NCR1: variants seen among roughly 807,000 people sequenced by gnomAD.
The protein encoded by NCR1 is NK cell-activating receptor.
A neutral mutation model predicts 32.5 loss-of-function variants in NCR1; 30 were observed. The observed-to-expected ratio is 0.92, with a 90% confidence interval of 0.69 to 1.25. NCR1 has a LOEUF of 1.25. Among genes scored for constraint, NCR1 ranks in the 50% most tolerant of loss-of-function variants. The probability of loss-of-function intolerance (pLI) is 0.00; values close to 1 mark genes in which losing one functional copy is unlikely to be tolerated. For missense variants in NCR1, 369 were observed against 380.7 expected, an observed-to-expected ratio of 0.97 and a Z score of 0.26; for synonymous variants, 169 against 143.4, an observed-to-expected ratio of 1.18 and a Z score of -1.28.
chr19:54,927,312 T>G, the NCR1 span, among the ~76,000 whole-genome samples: 1 of 122,548 alleles, frequency 8.2e-6, no homozygotes, highest in African/African-American at 3.2e-5. Context: ...ACCCAGGAGG[T>G]GGGGGTTGCA....
the NCR1 span, among the ~76,000 whole-genome samples, chr19:54,925,698 C>T: frequency 2.6e-5 from 4 of 152,138 alleles, no homozygotes; most frequent in East Asian, 3.9e-4. Flanking sequence ...AGGTAGATTA[C>T]GTTAAAATAA....
intron 1 of NCR1, 34 bp downstream of exon 1, chr19:54,906,255 G>A (rs776864920): frequency 6.2e-6 from 10 of 1,614,024 alleles, no homozygotes; most frequent in Middle Eastern, 1.6e-4. Flanking sequence ...ATGGGATCAC[G>A]GTGTGCCTGG....
At chr19:54,909,992 T>A in intron 4 of NCR1, 26 bp from the exon 5 acceptor site, 1 of 1,598,476 alleles carries the variant, frequency 6.3e-7, no homozygotes, top group Non-Finnish European at 8.5e-7. Context: ...AAACCCTTAC[T>A]TTTTTTTCTT....
the NCR1 span, among the ~76,000 whole-genome samples, chr19:54,900,606 C>T: frequency 6.6e-6 from 1 of 152,126 alleles, no homozygotes; most frequent in Non-Finnish European, 1.5e-5. Flanking sequence ...CAGTCTGGAT[C>T]ACCTGACCTG....
chr19:54,914,501 G>A (rs945365062), downstream of NCR1, among the ~76,000 whole-genome samples: 7 of 151,938 alleles, frequency 4.6e-5, no homozygotes, highest in Admixed American at 2.0e-4. Context: ...ACCACGCCCG[G>A]CTAATTTTTG....
upstream of NCR1, among the ~76,000 whole-genome samples, chr19:54,903,664 TATAC>T (rs1246950084): frequency 7.2e-6 from 1 of 138,232 alleles, no homozygotes; most frequent in Admixed American, 7.9e-5. Flanking sequence ...TGTATATATG[TATAC>T]ATATATGTAT....
chr19:54,902,479 T>C (rs587767437), upstream of NCR1, among the ~76,000 whole-genome samples: 8 of 151,870 alleles, frequency 5.3e-5, no homozygotes, highest in East Asian at 1.6e-3. Context: ...TTTTGCATTT[T>C]TTTTTCCCCC....
rs765754769 is a variant in NCR1, at chr19:54,910,096, A to G, written c.682+31A>G. The G allele has an allele frequency of 5.0e-6, 8 of 1,601,582 alleles. No individual in the cohort carries two copies. In the South Asian group the frequency reaches 8.8e-5, roughly 18 times the overall value. ...TAACTGGTCCTTCTAAGCTCAGACG[A>G]GCGATCAGAGCCTCCCAGTGACACT... On this transcript the variant is annotated intron_variant, in intron 5 of 6. Transcript: ENST00000291890.
chr19:54,934,261 G>C, the NCR1 span, among the ~76,000 whole-genome samples: 2 of 152,200 alleles, frequency 1.3e-5, no homozygotes, highest in Non-Finnish European at 2.9e-5. The surrounding 1 kb of genome is among the most constrained non-coding windows in gnomAD (Gnocchi z 6.7). Flanking sequence ...ATTTTTAATA[G>C]AAACAGGGTT....
the NCR1 span, chr19:54,923,359 T>G: frequency 5.6e-6 from 2 of 354,320 alleles, no homozygotes; most frequent in South Asian, 4.7e-5. Flanking sequence ...TGGCAGATAG[T>G]AGACCACATG....
intron 4 of NCR1, among the ~76,000 whole-genome samples, chr19:54,909,777 A>G (rs2067859324): frequency 6.6e-6 from 1 of 151,856 alleles, no homozygotes; most frequent in African/African-American, 2.4e-5. Flanking sequence ...TCTACTAAAA[A>G]TACAGAAATT....
chr19:54,930,010 G>A, the NCR1 span, among the ~76,000 whole-genome samples: 1 of 151,008 alleles, frequency 6.6e-6, no homozygotes, highest in African/African-American at 2.4e-5. Flanking sequence ...AGCTACTCAG[G>A]AGGCTGAGGC....
the NCR1 span, chr19:54,933,469 A>T: frequency 6.9e-7 from 1 of 1,454,078 alleles, no homozygotes. Flanking sequence ...AATTCTTACC[A>T]GGTTTTTAAA....
At chr19:54,903,343 C>CGT (rs2067341935), upstream of NCR1, among the ~76,000 whole-genome samples, 1 of 109,884 alleles carries the variant, frequency 9.1e-6, no homozygotes, top group African/African-American at 4.4e-5. Flanking sequence ...TATGTATATA[C>CGT]ATATATGCAT....
the NCR1 span, among the ~76,000 whole-genome samples, chr19:54,937,818 A>C: frequency 7.5e-5 from 11 of 145,898 alleles, no homozygotes; most frequent in East Asian, 2.0e-3. Flanking sequence ...AATTGCTTGA[A>C]CCTGGGAGGT....
intron 5 of NCR1, among the ~76,000 whole-genome samples, chr19:54,911,366 AAAAG>A (rs1308136849): frequency 6.8e-6 from 1 of 147,296 alleles, no homozygotes; most frequent in Non-Finnish European, 1.5e-5. Flanking sequence ...AAGAAAAAGA[AAAAG>A]AAAAAGAAAA....
chr19:54,899,288 AGG>A, the NCR1 span, among the ~76,000 whole-genome samples: 2 of 152,162 alleles, frequency 1.3e-5, no homozygotes, highest in African/African-American at 2.4e-5. Context: ...GAAGAAAATA[AGG>A]CATTTAGGTT....
Position 54,912,835 on chromosome 19 carries a change from G to A in NCR1, c.879G>A (p.Trp293Ter). The A allele has an allele frequency of 2.5e-6, 4 of 1,613,760 alleles. No individual in the cohort carries two copies. The highest frequency in any genetic ancestry group is 2.2e-5 in the South Asian group (2 of 91,066). The change falls in exon 7 of 7, where the codon TGG becomes TGA. Residue 293 changes from tryptophan to a stop codon, truncating the protein, a stop_gained. Transcript: ENST00000291890. LOFTEE classifies it high-confidence loss of function. ...TRERASRAST[W>*]EGRRRLNTQT... ...AGCGAGCCAGCAGAGCTTCCACTTG[G>A]GAAGGCAGGAGAAGGCTGAACACAC...
At chr19:54,933,769 G>A in the NCR1 span, 6 of 1,595,696 alleles carry the variant, frequency 3.8e-6, no homozygotes, top group African/African-American at 5.4e-5. Flanking sequence ...ATGGTAGAAG[G>A]ATGAGAACAT....
Sources: gnomAD v4.1 joint callset for allele counts (sites outside exome capture counted in the v4.1 genomes callset) on GRCh38, gnomAD v4.1.1 for gene constraint, Gnocchi (gnomAD v3.1) non-coding constraint, MANE v1.5 for transcripts, NCBI Gene and HGNC (gene_info 2026-07-23, HGNC 2026-07-21) for gene names.